The following MALRD1 variants were observed in gnomAD, a reference collection of about 807,000 sequenced individuals.
MALRD1 encodes MAM and LDL-receptor class A domain-containing protein 1.
A neutral mutation model predicts 242.1 loss-of-function variants in MALRD1; 247 were observed. The observed-to-expected ratio is 1.02, with a 90% confidence interval of 0.92 to 1.13. The LOEUF is 1.13. Among genes scored for constraint, MALRD1 ranks in the 50% most tolerant of loss-of-function variants. The pLI is 0.00. For missense variants in MALRD1, 2,989 were observed against 2,533.1 expected, an observed-to-expected ratio of 1.18 and a Z score of -3.86; for synonymous variants, 995 against 866.6, an observed-to-expected ratio of 1.15 and a Z score of -2.60.
chr10:19,190,768 G>T (rs770662671), intron 14 of MALRD1, among the ~76,000 whole-genome samples: 1 of 151,376 alleles, frequency 6.6e-6, no homozygotes, highest in African/African-American at 2.4e-5. Flanking sequence ...AAAGTATGAA[G>T]TTGGACCCTT....
chr10:19,439,221 T>C (rs1834498114), intron 28 of MALRD1, among the ~76,000 whole-genome samples: 1 of 152,220 alleles, frequency 6.6e-6, no homozygotes, highest in South Asian at 2.1e-4. Context: ...ATTAAGGCAA[T>C]GTACAAATAA....
chr10:19,324,398 G>GT (rs1329685516), intron 22 of MALRD1, among the ~76,000 whole-genome samples: 7 of 152,090 alleles, frequency 4.6e-5, no homozygotes, highest in African/African-American at 1.7e-4. Context: ...AGTGTTCTGA[G>GT]TATAACCACA....
intron 31 of MALRD1, among the ~76,000 whole-genome samples, chr10:19,530,348 A>C (rs1335568324): frequency 8.2e-6 from 1 of 122,034 alleles, no homozygotes; most frequent in Non-Finnish European, 1.6e-5. Flanking sequence ...ATTTATATAA[A>C]TATATAATAT....
intron 1 of MALRD1, among the ~76,000 whole-genome samples, chr10:19,058,920 A>G (rs1554780467): frequency 6.6e-6 from 1 of 152,164 alleles, no homozygotes; most frequent in Non-Finnish European, 1.5e-5. Flanking sequence ...TATAAACTCT[A>G]CCTTTCTTTG....
At chr10:19,569,759 T>G (rs1465361140) in intron 33 of MALRD1, among the ~76,000 whole-genome samples, 1 of 147,200 alleles carries the variant, frequency 6.8e-6, no homozygotes, top group Non-Finnish European at 1.5e-5. Flanking sequence ...GAATTCCATA[T>G]TTATCATTAT....
At chr10:19,180,576 G>A (rs1354378852) in intron 14 of MALRD1, among the ~76,000 whole-genome samples, 1 of 152,134 alleles carries the variant, frequency 6.6e-6, no homozygotes, top group Non-Finnish European at 1.5e-5. Context: ...AATTCAAAAT[G>A]TAAGAAAGTC....
chr10:19,315,867 T>G (rs1379135470), intron 21 of MALRD1, among the ~76,000 whole-genome samples: 5 of 147,636 alleles, frequency 3.4e-5, no homozygotes, highest in African/African-American at 1.2e-4. Context: ...AATGTTTACT[T>G]ATAAATAGTT....
intron 36 of MALRD1, among the ~76,000 whole-genome samples, chr10:19,677,332 T>G (rs886990773): frequency 6.6e-6 from 1 of 152,210 alleles, no homozygotes; most frequent in Non-Finnish European, 1.5e-5. Flanking sequence ...CTGTAGTTTC[T>G]TGACTTTTTA....
intron 35 of MALRD1, among the ~76,000 whole-genome samples, chr10:19,614,234 A>G (rs757164226): frequency 1.5e-4 from 23 of 151,946 alleles, no homozygotes; most frequent in Non-Finnish European, 2.9e-4. Context: ...ACCCAATACT[A>G]CTCAGCTAAT....
At chr10:19,108,894 T>A (rs1588556468) in intron 5 of MALRD1, among the ~76,000 whole-genome samples, 1 of 152,186 alleles carries the variant, frequency 6.6e-6, no homozygotes, top group East Asian at 1.9e-4. Flanking sequence ...TTTTCTGTAT[T>A]TCTTGTTTCC....
At chr10:19,678,629 A>G (rs1460903253) in intron 36 of MALRD1, among the ~76,000 whole-genome samples, 2 of 152,096 alleles carry the variant, frequency 1.3e-5, no homozygotes, top group Admixed American at 6.6e-5. Flanking sequence ...TGCTATTTGG[A>G]TACCCTTTAT....
intron 2 of MALRD1, 53 bp from the exon 3 acceptor site, chr10:19,087,787 T>C (rs1192723131): frequency 2.3e-6 from 2 of 863,882 alleles, no homozygotes; most frequent in Non-Finnish European, 3.1e-6. Flanking sequence ...AAATAGTAGG[T>C]CTTATTCATT....
intron 24 of MALRD1, among the ~76,000 whole-genome samples, chr10:19,340,382 G>T (rs927141288): frequency 1.3e-5 from 2 of 151,550 alleles, no homozygotes; most frequent in African/African-American, 4.9e-5. Flanking sequence ...TCCCCACAAG[G>T]TTCTGTGATT....
At chr10:19,558,108 C>G (rs1416429838) in intron 32 of MALRD1, among the ~76,000 whole-genome samples, 2 of 152,068 alleles carry the variant, frequency 1.3e-5, no homozygotes, top group African/African-American at 4.8e-5. Context: ...CATCCTGCAA[C>G]TTTTCTCTAA....
At chr10:19,084,740 T>G (rs553661339) in intron 2 of MALRD1, among the ~76,000 whole-genome samples, 3 of 152,026 alleles carry the variant, frequency 2.0e-5, no homozygotes, top group Non-Finnish European at 2.9e-5. Flanking sequence ...TTTATATACC[T>G]CCTTTTTTGT....
chr10:19,277,258 C>G (rs562597131), intron 19 of MALRD1, among the ~76,000 whole-genome samples: 12 of 152,080 alleles, frequency 7.9e-5, no homozygotes. Context: ...AAACTGACTC[C>G]TCTTCTATAT....
At chr10:19,733,558 A>C (rs1037281563) in intron 39 of MALRD1, among the ~76,000 whole-genome samples, 5 of 151,734 alleles carry the variant, frequency 3.3e-5, no homozygotes, top group Non-Finnish European at 5.9e-5. Flanking sequence ...AAAAATCAGA[A>C]ATTTTAGAAG....
At chr10:19,715,919 G>A (rs1323730693) in intron 38 of MALRD1, among the ~76,000 whole-genome samples, 2 of 152,142 alleles carry the variant, frequency 1.3e-5, no homozygotes, top group Non-Finnish European at 2.9e-5. Flanking sequence ...AGCCCTTCAT[G>A]GGGGATCTGC....
intron 2 of MALRD1, among the ~76,000 whole-genome samples, chr10:19,085,267 G>A (rs561964511): frequency 1.3e-5 from 2 of 152,048 alleles, no homozygotes; most frequent in South Asian, 4.1e-4. Flanking sequence ...AAACAGCCAT[G>A]ATGAAAAATG....
Sources: allele counts gnomAD v4.1 joint callset (sites outside exome capture counted in the v4.1 genomes callset), GRCh38; gene constraint gnomAD v4.1.1; transcripts MANE v1.5; gene names NCBI Gene and HGNC (gene_info 2026-07-23, HGNC 2026-07-21).